GRWD1: variants seen among roughly 807,000 people sequenced by gnomAD.
GRWD1 encodes glutamate-rich WD repeat-containing protein 1.
A neutral mutation model predicts 45.3 loss-of-function variants in GRWD1; 29 were observed. The ratio of observed to expected loss-of-function variants is 0.64; its 90% CI spans 0.48 to 0.87. The LOEUF is 0.87. Among genes scored for constraint, GRWD1 ranks in the 40% least tolerant of loss-of-function variants. The pLI is 0.00. For missense variants in GRWD1, 592 were observed against 618.8 expected, an observed-to-expected ratio of 0.96 and a Z score of 0.46; for synonymous variants, 262 against 257.6, an observed-to-expected ratio of 1.02 and a Z score of -0.16.
Position 48,453,021 on chromosome 19 carries a change from T to C in GRWD1, c.1337T>C (p.Val446Ala), listed in dbSNP as rs768380375. 1.3e-6 allele frequency: 2 copies of C among 1,577,580 alleles called. No individual in the cohort carries two copies. Among genetic ancestry groups the C allele is most frequent in the Non-Finnish European group, 8.6e-7 (1 of 1,157,108 alleles). ...SGFTIFRTIS[V>A] ...TTCACCATCTTCCGCACCATCAGCG[T>C]CTGAGGCGTCCCACTGGCTCTGATC... The change falls in exon 7 of 7, where the codon GTC (valine) becomes GCC (alanine). Residue 446 changes from valine to alanine, a missense_variant. Coordinates refer to ENST00000253237, the MANE Select transcript of GRWD1 (RefSeq NM_031485.4).
In GRWD1 at chr19:48,452,824, G is replaced by T. The variant is rs752395281; in HGVS notation, c.1140G>T (p.Gln380His). The change falls in exon 7 of 7, where the codon CAG becomes CAT. Residue 380 changes from glutamine (Q) to histidine (H), a missense_variant. Gln to His is a conservative substitution (Grantham distance 24). Coordinates refer to ENST00000253237, the MANE Select transcript of GRWD1 (RefSeq NM_031485.4). This position sits in a 1 kb window ranked among gnomAD's most constrained non-coding sequence, Gnocchi z 5.1. Reference sequence around the variant, plus strand: ...CGGGTGCAGACCACCAGATCACACAGTGGGACCTGGCAGTGGAGCGGGACC... The same window carrying T: ...CGGGTGCAGACCACCAGATCACACATTGGGACCTGGCAGTGGAGCGGGACC... ...AASGADHQIT[Q>H]WDLAVERDPE... The T allele has an allele frequency of 7.4e-6, 12 of 1,613,738 alleles. No individual in the cohort carries two copies. In the South Asian group the frequency reaches 1.3e-4, roughly 18 times the overall value.
In GRWD1 at chr19:48,455,185, C is replaced by T. The variant is rs1041095505; in HGVS notation, c.*2160C>T. On this transcript the variant is annotated 3_prime_UTR_variant, in exon 7 of 7. Transcript: ENST00000253237. ...GCCCTCTCTGGGTCTCTGTCCCCCT[C>T]TCTCTCAGGGTCCCTGTCCTGCTTG... is the stretch of plus-strand genomic sequence containing the variant. 6.6e-6 allele frequency: 1 copy of T among 152,604 alleles called. No homozygotes were observed. Among genetic ancestry groups the T allele is most frequent in the Non-Finnish European group, 1.5e-5 (1 of 68,410 alleles). 9.5% of individuals were successfully genotyped at this position (152,604 alleles called of 1,614,324 possible). A position where few individuals can be genotyped will look rare whatever the true frequency, so the allele number is the denominator to read the frequency against.
chr19:48,446,489 G>T lies in GRWD1; in HGVS notation c.292G>T (p.Ala98Ser). 3.1e-6 allele frequency: 5 copies of T among 1,613,806 alleles called. No homozygotes were observed. Among genetic ancestry groups the T allele is most frequent in the Non-Finnish European group, 4.2e-6 (5 of 1,179,742 alleles). ...GTGTGCTGGGACCCAGGCTGAGAGC[G>T]CCCAGAGCAACAGGTAAGACCCGAG... ...YLCAGTQAES[A>S]QSNRLMMLRM... Residue 98 changes from alanine to serine, a missense_variant, in exon 2 of 7, where the codon GCC (alanine) becomes TCC (serine). Coordinates refer to ENST00000253237, the MANE Select transcript of GRWD1 (RefSeq NM_031485.4).
At position 48,452,633 on chromosome 19, in the gene GRWD1, G is replaced by A; in HGVS notation, c.1024-75G>A. On this transcript the variant is annotated intron_variant, in intron 6 of 6. Coordinates refer to ENST00000253237, the MANE Select transcript of GRWD1 (RefSeq NM_031485.4). The surrounding 1 kb of genome is among the most constrained non-coding windows in gnomAD (Gnocchi z 5.1). ...TGAACCCTGAGGCTGGAGAAGGGTT[G>A]GGGCTTCTGCCTGGGTCCTCCCCAG... 6 of 1,273,914 alleles carry A rather than the reference G, an allele frequency of 4.7e-6. No individual in the cohort carries two copies. The highest frequency in any genetic ancestry group is 6.6e-6 in the Non-Finnish European group (6 of 911,928). The allele number at this position is 1,273,914 out of a possible 1,614,324, so 78.9% of individuals were successfully genotyped here. A position where few individuals can be genotyped will look rare whatever the true frequency, so the allele number is the denominator to read the frequency against.
intron 3 of GRWD1, among the ~76,000 whole-genome samples, chr19:48,449,054 T>A (rs1476472043): frequency 6.6e-6 from 1 of 151,814 alleles, no homozygotes; most frequent in Non-Finnish European, 1.5e-5. Flanking sequence ...TCAGTAGTAG[T>A]GTGACAGCAA....
At chr19:48,448,022 G>T (rs1401763024) in intron 3 of GRWD1, among the ~76,000 whole-genome samples, 1 of 152,138 alleles carries the variant, frequency 6.6e-6, no homozygotes, top group African/African-American at 2.4e-5. Context: ...CGTGATCTTG[G>T]CTCACTGCAA....
At position 48,450,785 on chromosome 19, in the gene GRWD1, C is replaced by G; in HGVS notation, c.802C>G (p.Gln268Glu). ...CCACACACGCTCTGTGGAGGACCTG[C>G]AGTGGTCACCGACTGAGAACACGGT... Reference protein sequence around the residue: ...VGHTRSVEDLQWSPTENTVFA... With the variant: ...VGHTRSVEDLEWSPTENTVFA... Residue 268 changes from glutamine (Q) to glutamate (E), a missense_variant, in exon 5 of 7, where the codon CAG (glutamine) becomes GAG (glutamate). Gln to Glu is a conservative substitution (Grantham distance 29). Transcript: ENST00000253237. This position sits in a 1 kb window ranked among gnomAD's most constrained non-coding sequence, Gnocchi z 5.1. 6.2e-7 allele frequency: 1 copy of G among 1,613,918 alleles called. No individual in the cohort carries two copies. Among genetic ancestry groups the G allele is most frequent in the Non-Finnish European group, 8.5e-7 (1 of 1,179,948 alleles).
At position 48,450,431 on chromosome 19, in the gene GRWD1, T is replaced by C. The variant is rs568112921; in HGVS notation, c.587T>C (p.Phe196Ser). ...GAGGAGCCCCAGGCCCTGGCAGCCT[T>C]CCTCCGGGATGAGCAGGCCCAAATG... ...VVEEPQALAA[F>S]LRDEQAQMKP... Residue 196 changes from phenylalanine (F) to serine (S), a missense_variant, in exon 4 of 7, where the codon TTC becomes TCC. Physicochemically the swap from Phe to Ser is radical, Grantham distance 155. Coordinates refer to ENST00000253237, the MANE Select transcript of GRWD1 (RefSeq NM_031485.4). This position sits in a 1 kb window ranked among gnomAD's most constrained non-coding sequence, Gnocchi z 5.1. 1.9e-6 allele frequency: 3 copies of C among 1,614,038 alleles called. No individual in the cohort carries two copies. Among genetic ancestry groups the C allele is most frequent in the Non-Finnish European group, 2.5e-6 (3 of 1,180,004 alleles).
chr19:48,450,581 A>G lies in GRWD1; in HGVS notation c.682+55A>G. 3 of 1,610,516 alleles carry G rather than the reference A, an allele frequency of 1.9e-6. No homozygotes were observed. The highest frequency in any genetic ancestry group is 2.2e-5 in the South Asian group (2 of 91,036). ...GGAGGTCGGGGGAGCAGGGTCTGCA[A>G]CAAGGGGCCGGGCGCTTAGACTCCA... is the stretch of plus-strand genomic sequence containing the variant. On this transcript the variant is annotated intron_variant, in intron 4 of 6. Coordinates refer to ENST00000253237, the MANE Select transcript of GRWD1 (RefSeq NM_031485.4). This position sits in a 1 kb window ranked among gnomAD's most constrained non-coding sequence, Gnocchi z 5.1.
In GRWD1 at chr19:48,452,095, T is replaced by C. The variant is rs60256890; in HGVS notation, c.1024-613T>C. ...GCCATGCCCTCCTTTTTTTCTTTTT[T>C]TTTTTTTTTTTCTTTTTTTTTGCGA... On this transcript the variant is annotated intron_variant, in intron 6 of 6. Coordinates refer to ENST00000253237, the MANE Select transcript of GRWD1 (RefSeq NM_031485.4). This position sits in a 1 kb window ranked among gnomAD's most constrained non-coding sequence, Gnocchi z 5.1. Among the ~76,000 whole-genome samples, 109 of 39,478 alleles carry C rather than the reference T, an allele frequency of 2.8e-3. No individual in the cohort carries two copies. Among genetic ancestry groups the C allele is most frequent in the Admixed American group, 3.0e-3 (12 of 3,954 alleles). 25.9% of individuals were successfully genotyped at this position (39,478 alleles called of 152,430 possible). A position where few individuals can be genotyped will look rare whatever the true frequency, so the allele number is the denominator to read the frequency against.
At position 48,446,073 on chromosome 19, in the gene GRWD1, A is replaced by G. The variant is rs776279416; in HGVS notation, c.68A>G (p.Asp23Gly). The change falls in exon 1 of 7, where the codon GAC (aspartate) becomes GGC (glycine). Residue 23 changes from aspartate to glycine, a missense_variant. Transcript: ENST00000253237. ...GAACCCATGGAAGCCGAGTCCGGCGACACAAGTTCCGAGGGCCCGGCCCAG... is the reference window on the plus strand; with the variant it reads ...GAACCCATGGAAGCCGAGTCCGGCGGCACAAGTTCCGAGGGCCCGGCCCAG... ...TGEPMEAESG[D>G]TSSEGPAQVY... 1.3e-6 allele frequency: 2 copies of G among 1,597,398 alleles called. No homozygotes were observed. Among genetic ancestry groups the G allele is most frequent in the Admixed American group, 1.8e-5 (1 of 56,684 alleles).
At chr19:48,448,535 G>GA (rs1297851982) in intron 3 of GRWD1, among the ~76,000 whole-genome samples, 1 of 152,168 alleles carries the variant, frequency 6.6e-6, no homozygotes, top group Non-Finnish European at 1.5e-5. Context: ...AACTATCCTG[G>GA]AAAAAATCCA....
chr19:48,452,711 G>A lies in GRWD1; in HGVS notation c.1027G>A (p.Gly343Ser), dbSNP rs1328132367. The A allele has an allele frequency of 1.3e-6, 2 of 1,564,562 alleles. No homozygotes were observed. The highest frequency in any genetic ancestry group is 1.7e-6 in the Non-Finnish European group (2 of 1,148,972). Residue 343 changes from glycine (G) to serine (S), a missense_variant, in exon 7 of 7, where the codon GGT becomes AGT. Gly to Ser is a moderately conservative substitution (Grantham distance 56, BLOSUM62 0). Coordinates refer to ENST00000253237, the MANE Select transcript of GRWD1 (RefSeq NM_031485.4). This position sits in a 1 kb window ranked among gnomAD's most constrained non-coding sequence, Gnocchi z 5.1. Reference sequence around the variant, plus strand: ...TCCTCCCATCCTCTCCCTCTAGTCTGGTTCCCCAGTGGCCACCTTCAAGCA... The same window carrying A: ...TCCTCCCATCCTCTCCCTCTAGTCTAGTTCCCCAGTGGCCACCTTCAAGCA... ...KIWDLRQFKS[G>S]SPVATFKQHV...
rs1569079884 is a variant in GRWD1, at chr19:48,452,096, T to TTTTTTTTTCTTTTTC, written c.1024-604_1024-603insCTTTTTCTTTTTTTT. Among the ~76,000 whole-genome samples, 2 of 147,292 alleles carry TTTTTTTTTCTTTTTC rather than the reference T, an allele frequency of 1.4e-5. No homozygotes were observed. Reference sequence around the variant, plus strand: ...CCATGCCCTCCTTTTTTTCTTTTTTTTTTTTTTTTTCTTTTTTTTTGCGAT... The same window carrying TTTTTTTTTCTTTTTC: ...CCATGCCCTCCTTTTTTTCTTTTTTTTTTTTTTTCTTTTTCTTTTTTTTTTCTTTTTTTTTGCGAT... On this transcript the variant is annotated intron_variant, in intron 6 of 6. Transcript: ENST00000253237. The surrounding 1 kb of genome is among the most constrained non-coding windows in gnomAD (Gnocchi z 5.1).
At position 48,450,428 on chromosome 19, in the gene GRWD1, C is replaced by T. The variant is rs144047399; in HGVS notation, c.584C>T (p.Ala195Val). The T allele has an allele frequency of 1.1e-3, 1,696 of 1,614,052 alleles. 2 individuals carry two copies. Among genetic ancestry groups the T allele is most frequent in the Non-Finnish European group, 1.2e-3 (1,468 of 1,180,016 alleles). The change falls in exon 4 of 7, where the codon GCC (alanine) becomes GTC (valine). Residue 195 changes from alanine to valine, a missense_variant. Ala to Val is a moderately conservative substitution (Grantham distance 64). Coordinates refer to ENST00000253237, the MANE Select transcript of GRWD1 (RefSeq NM_031485.4). This position sits in a 1 kb window ranked among gnomAD's most constrained non-coding sequence, Gnocchi z 5.1. ...GTGGAGGAGCCCCAGGCCCTGGCAG[C>T]CTTCCTCCGGGATGAGCAGGCCCAA... ...QVVEEPQALA[A>V]FLRDEQAQMK...
intron 6 of GRWD1, among the ~76,000 whole-genome samples, chr19:48,451,810 CG>C (rs1569079725): frequency 6.6e-6 from 1 of 152,132 alleles, no homozygotes; most frequent in East Asian, 1.9e-4. Flanking sequence ...CCAGTTTGAT[CG>C]TTTCTATAGC....
rs1971481206 is a variant in GRWD1 at position 48,452,086 on chromosome 19, TTTC to T, written c.1024-619_1024-617del. ...TCTGGGAGAGCCATGCCCTCCTTTT[TTTC>T]TTTTTTTTTTTTTTTTTCTTTTTTT... On this transcript the variant is annotated intron_variant, in intron 6 of 6. Coordinates refer to ENST00000253237, the MANE Select transcript of GRWD1 (RefSeq NM_031485.4). The surrounding 1 kb of genome is among the most constrained non-coding windows in gnomAD (Gnocchi z 5.1). Among the ~76,000 whole-genome samples the T allele has an allele frequency of 2.8e-5, 1 of 36,152 alleles. No homozygotes were observed. Among genetic ancestry groups the T allele is most frequent in the African/African-American group, 7.1e-5 (1 of 14,174 alleles). The allele number at this position is 36,152 out of a possible 152,430, so 23.7% of individuals were successfully genotyped here. A position where few individuals can be genotyped will look rare whatever the true frequency, so the allele number is the denominator to read the frequency against.
At position 48,451,022 on chromosome 19, in the gene GRWD1, C is replaced by G. The variant is rs375285900; in HGVS notation, c.826-12C>G. ...GGGGGCATTGGGACCACTCAGACTC[C>G]GCCTCCCCCAGGTGTTTGCCTCCTG... is the stretch of plus-strand genomic sequence containing the variant. On this transcript the variant is annotated splice_polypyrimidine_tract_variant and intron_variant, in intron 5 of 6. Transcript: ENST00000253237. 7 of 1,609,180 alleles carry G rather than the reference C, an allele frequency of 4.4e-6. No homozygotes were observed. The African/African-American group carries it at 9.4e-5, about 22-fold the overall frequency.
intron 3 of GRWD1, among the ~76,000 whole-genome samples, chr19:48,449,848 G>T (rs967486956): frequency 6.6e-6 from 1 of 152,146 alleles, no homozygotes; most frequent in African/African-American, 2.4e-5. Flanking sequence ...AACGGTCAAT[G>T]CAGTAAGAGT....
Sources: allele counts gnomAD v4.1 joint callset (sites outside exome capture counted in the v4.1 genomes callset), GRCh38; gene constraint gnomAD v4.1.1; non-coding constraint Gnocchi (gnomAD v3.1); transcripts MANE v1.5; gene names NCBI Gene and HGNC (gene_info 2026-07-23, HGNC 2026-07-21).